Variants in UBE2D3 observed in about 807,000 individuals in gnomAD.
The protein encoded by UBE2D3 is ubiquitin conjugating enzyme E2 D3, also known as ubiquitin-conjugating enzyme E2 D3.
UBE2D3 carries 2 observed loss-of-function variants against 22.8 expected under a neutral mutation model. The observed-to-expected ratio is 0.09, with a 90% CI of 0.04 to 0.28. The LOEUF (loss-of-function observed/expected upper bound fraction) is 0.28, where lower values mean the gene tolerates loss of function less well. Ranked by LOEUF, UBE2D3 falls within the 10% of genes least tolerant of loss-of-function variation. The probability of loss-of-function intolerance (pLI) is 1.00; values close to 1 mark genes in which losing one functional copy is unlikely to be tolerated. For synonymous variants in UBE2D3, 56 were observed against 60.4 expected (o/e 0.93, Z 0.34); for missense variants, 27 against 182.5 (o/e 0.15, Z 4.91).
chr4:102,853,223 A>G (rs1732462396), intron 1 of UBE2D3, among the ~76,000 whole-genome samples: 1 of 138,756 alleles, frequency 7.2e-6, no homozygotes, highest in Non-Finnish European at 1.5e-5. Context: ...GCTCACTGCA[A>G]GCTCCGCCTC....
chr4:102,812,583 C>G (rs1458900374), intron 2 of UBE2D3: 1 of 152,158 alleles, frequency 6.6e-6, no homozygotes. Context: ...CCCTGCAAAA[C>G]TGAGGAACTG....
intron 2 of UBE2D3, among the ~76,000 whole-genome samples, chr4:102,821,163 C>T (rs1200123983): frequency 1.3e-5 from 2 of 152,030 alleles, no homozygotes; most frequent in African/African-American, 4.8e-5. Flanking sequence ...AAGCTCAAGA[C>T]CACAACATTT....
In UBE2D3 at chr4:102,826,356, AT is replaced by A. The variant is rs1338227123; in HGVS notation, c.24+128del. On this transcript the variant is annotated intron_variant, in intron 2 of 7. Transcript: ENST00000453744. ...TTCAAGAAGTATATCTGCGTTCTCCATCCCCCCATGGAAGAAGTGATCCAAG... is the reference window on the plus strand; with the variant it reads ...TTCAAGAAGTATATCTGCGTTCTCCACCCCCCATGGAAGAAGTGATCCAAG... 7 of 1,182,034 alleles carry A rather than the reference AT, an allele frequency of 5.9e-6. No homozygotes were observed. In the Admixed American group the frequency reaches 1.0e-4, roughly 17 times the overall value. The allele number at this position is 1,182,034 out of a possible 1,614,324, so 73.2% of individuals were successfully genotyped here. A position where few individuals can be genotyped will look rare whatever the true frequency, so the allele number is the denominator to read the frequency against.
At position 102,809,563 on chromosome 4, in the gene UBE2D3, A is replaced by G. The variant is rs999756051; in HGVS notation, c.120+109T>C. 6.1e-5 allele frequency: 72 copies of G among 1,174,638 alleles called. No individual in the cohort carries two copies. In the Admixed American group the frequency reaches 2.0e-3, roughly 32 times the overall value. 72.8% of individuals were successfully genotyped at this position (1,174,638 alleles called of 1,614,324 possible). ...GCAGTACAACTATGGAATATCCAAA[A>G]TAGAATTAACTATATGATAAAATAA... is the stretch of plus-strand genomic sequence containing the variant. On this transcript the variant is annotated intron_variant, in intron 4 of 7. Coordinates refer to ENST00000453744, the MANE Select transcript of UBE2D3 (RefSeq NM_181891.3).
At chr4:102,819,646 C>T in intron 2 of UBE2D3, 1 of 978,208 alleles carries the variant, frequency 1.0e-6, no homozygotes, top group Non-Finnish European at 1.2e-6. Context: ...ATTCAAAAGC[C>T]TATATAGTGG....
intron 1 of UBE2D3, among the ~76,000 whole-genome samples, chr4:102,838,839 A>C (rs1419683053): frequency 6.6e-6 from 1 of 151,122 alleles, no homozygotes; most frequent in Non-Finnish European, 1.5e-5. Context: ...AAAGAGGAAA[A>C]GGAAAGGCAA....
At chr4:102,825,174 TG>T in intron 2 of UBE2D3, 4 of 919,292 alleles carry the variant, frequency 4.4e-6, no homozygotes, top group Non-Finnish European at 5.2e-6. Flanking sequence ...GGCAAATTCT[TG>T]CCATTCCTCT....
intron 1 of UBE2D3, among the ~76,000 whole-genome samples, chr4:102,841,383 C>T (rs2110356749): frequency 6.6e-6 from 1 of 152,204 alleles, no homozygotes; most frequent in African/African-American, 2.4e-5. Context: ...AAATAAATCA[C>T]TATTTTTTCC....
intron 2 of UBE2D3, chr4:102,825,186 C>T (rs1730265883): frequency 1.0e-6 from 1 of 957,768 alleles, no homozygotes; most frequent in African/African-American, 1.8e-5. Flanking sequence ...CCATTCCTCT[C>T]AGAACTCTTT....
chr4:102,841,292 T>A (rs904887986), intron 1 of UBE2D3, among the ~76,000 whole-genome samples: 1 of 152,152 alleles, frequency 6.6e-6, no homozygotes, highest in Non-Finnish European at 1.5e-5. Flanking sequence ...GAAACTAATA[T>A]ATGTAATAGG....
chr4:102,805,270 CTA>C (rs891180281), intron 4 of UBE2D3, among the ~76,000 whole-genome samples: 8 of 152,090 alleles, frequency 5.3e-5, no homozygotes, highest in Non-Finnish European at 1.0e-4. Flanking sequence ...AATTGAGACC[CTA>C]TGATATTTAA....
intron 2 of UBE2D3, among the ~76,000 whole-genome samples, chr4:102,822,642 G>T (rs780213238): frequency 6.6e-6 from 1 of 151,752 alleles, no homozygotes; most frequent in Non-Finnish European, 1.5e-5. Context: ...TATAAAACAG[G>T]AATTGAAGGG....
At chr4:102,813,258 G>A (rs958812503) in intron 2 of UBE2D3, among the ~76,000 whole-genome samples, 4 of 152,280 alleles carry the variant, frequency 2.6e-5, no homozygotes, top group Admixed American at 2.6e-4. Flanking sequence ...ACAATCATAA[G>A]GCACTATAGC....
intron 7 of UBE2D3, chr4:102,799,116 C>T: frequency 1.0e-6 from 1 of 970,732 alleles, no homozygotes; most frequent in Admixed American, 2.5e-5. Context: ...GAAAAACATG[C>T]TTGGGGTAAA....
At chr4:102,813,307 C>G (rs1412279200) in intron 2 of UBE2D3, among the ~76,000 whole-genome samples, 1 of 152,176 alleles carries the variant, frequency 6.6e-6, no homozygotes, top group Non-Finnish European at 1.5e-5. Flanking sequence ...TTGCCTCAGC[C>G]TCTTAAGCAG....
At chr4:102,835,014 A>G (rs1300742954) in intron 1 of UBE2D3, among the ~76,000 whole-genome samples, 1 of 152,162 alleles carries the variant, frequency 6.6e-6, no homozygotes, top group Non-Finnish European at 1.5e-5. Flanking sequence ...CTCTCAGGAT[A>G]CCCTGATGGC....
At chr4:102,860,095 C>A (rs1732810654) in intron 1 of UBE2D3, among the ~76,000 whole-genome samples, 1 of 152,172 alleles carries the variant, frequency 6.6e-6, no homozygotes, top group Non-Finnish European at 1.5e-5. Flanking sequence ...GATCCACACG[C>A]CTCGGCCTCC....
At chr4:102,834,406 A>C (rs941264249) in intron 1 of UBE2D3, among the ~76,000 whole-genome samples, 1 of 152,114 alleles carries the variant, frequency 6.6e-6, no homozygotes, top group Non-Finnish European at 1.5e-5. Context: ...TCCTACCACC[A>C]CTTCAGCCCC....
chr4:102,827,012 GA>G (rs1293705087), intron 1 of UBE2D3: 6 of 994,896 alleles, frequency 6.0e-6, no homozygotes, highest in Non-Finnish European at 7.2e-6. Flanking sequence ...TAAGACTCCG[GA>G]CGGACGCCGG....
Sources: gnomAD v4.1 joint callset for allele counts (sites outside exome capture counted in the v4.1 genomes callset) on GRCh38, gnomAD v4.1.1 for gene constraint, MANE v1.5 for transcripts, NCBI Gene and HGNC (gene_info 2026-07-23, HGNC 2026-07-21) for gene names.